The following NDUFB1 variants were observed in gnomAD, a reference collection of about 807,000 sequenced individuals.
NDUFB1 encodes the protein NADH dehydrogenase [ubiquinone] 1 beta subcomplex subunit 1.
Under a neutral mutation model 6.7 loss-of-function variants are expected in NDUFB1, and 6 were observed. That is an observed-to-expected ratio of 0.89 (90% CI 0.49 to 1.76). The LOEUF (loss-of-function observed/expected upper bound fraction) is 1.76. NDUFB1 is among the 40% of genes most tolerant of loss of function. The pLI, the probability that NDUFB1 is intolerant of heterozygous loss-of-function variation, is 0.01. For missense variants in NDUFB1, 56 were observed against 71.0 expected, an observed-to-expected ratio of 0.79 and a Z score of 0.76; for synonymous variants, 17 against 22.9, an observed-to-expected ratio of 0.74 and a Z score of 0.74.
intron 1 of NDUFB1, among the ~76,000 whole-genome samples, chr14:92,120,641 C>T (rs1457766251): frequency 2.0e-5 from 3 of 150,544 alleles, no homozygotes; most frequent in Non-Finnish European, 4.4e-5. Flanking sequence ...TGAGCCACCG[C>T]GCCCGGCCGT....
At chr14:92,120,861 T>A (rs1016069440) in intron 1 of NDUFB1, among the ~76,000 whole-genome samples, 4 of 150,170 alleles carry the variant, frequency 2.7e-5, no homozygotes, top group African/African-American at 9.7e-5. Context: ...CATACTTTTG[T>A]CTTTTAAAAG....
intron 2 of NDUFB1, 49 bp from the exon 3 acceptor site, chr14:92,116,278 TG>T: frequency 6.8e-7 from 1 of 1,471,944 alleles, no homozygotes; most frequent in Non-Finnish European, 9.5e-7. Context: ...TAAATAAAAC[TG>T]TGATACGAGA....
intron 2 of NDUFB1, 119 bp from the exon 3 acceptor site, chr14:92,116,348 TTTTGAGACGAAGTCTGGC>T: frequency 1.0e-6 from 1 of 960,720 alleles, no homozygotes; most frequent in Non-Finnish European, 1.5e-6. Flanking sequence ...TTTTTTTTTT[TTTTGAGACGAAGTCTGGC>T]TTTGTAGCCC....
chr14:92,117,847 A>C (rs1013342405), intron 1 of NDUFB1: 1 of 526,458 alleles, frequency 1.9e-6, no homozygotes. Context: ...AAAGCACAAA[A>C]ATTAGCCGGG....
intron 1 of NDUFB1, chr14:92,118,969 G>T (rs1163895257): frequency 2.7e-6 from 1 of 365,360 alleles, no homozygotes; most frequent in Non-Finnish European, 5.2e-6. Flanking sequence ...GCGAGTCTCT[G>T]TCTCAGAAAA....
chr14:92,119,966 G>C lies in NDUFB1; in HGVS notation c.-6+1676C>G, dbSNP rs150262466. 7.1e-3 allele frequency among the ~76,000 whole-genome samples: 1,080 copies of C among 151,956 alleles called. 8 individuals are homozygous for C. Among genetic ancestry groups the C allele is most frequent in the Non-Finnish European group, 9.0e-3 (610 of 67,976 alleles). On this transcript the variant is annotated intron_variant, in intron 1 of 2. Coordinates refer to ENST00000605997, the MANE Select transcript of NDUFB1 (RefSeq NM_004545.4). The stretch of plus-strand genomic sequence containing the variant: ...TGTAGAGACAAGATCTTGCTATGTT[G>C]CCCAGGCTGGTCTCAAACTTGTGGC...
chr14:92,121,416 G>T, intron 1 of NDUFB1: 1 of 678,504 alleles, frequency 1.5e-6, no homozygotes, highest in Non-Finnish European at 2.4e-6. Context: ...ACGTTTTCCT[G>T]TTATGACAGC....
intron 1 of NDUFB1, chr14:92,121,337 G>A (rs915793618): frequency 4.0e-6 from 2 of 494,250 alleles, no homozygotes; most frequent in Non-Finnish European, 7.3e-6. Context: ...CTTCAGGCCA[G>A]GCGTGGGATC....
At position 92,117,537 on chromosome 14, in the gene NDUFB1, C is replaced by T. The variant is rs72691104; in HGVS notation, c.101G>A (p.Arg34Gln). 5.8e-4 allele frequency: 942 copies of T among 1,613,322 alleles called. 2 individuals carry two copies. Among genetic ancestry groups the T allele is most frequent in the South Asian group, 1.1e-3 (97 of 91,042 alleles). The change falls in exon 2 of 3, where the codon CGG becomes CAG. Residue 34 changes from arginine to glutamine, a missense_variant. Arg to Gln is a conservative substitution (Grantham distance 43). Coordinates refer to ENST00000605997, the MANE Select transcript of NDUFB1 (RefSeq NM_004545.4). Reference sequence around the variant, plus strand: ...ACTCTTGTTCCGGAAGGCAGTTAGCCGTTCATCACTCTTTCTGTCTAAATA... The same window carrying T: ...ACTCTTGTTCCGGAAGGCAGTTAGCTGTTCATCACTCTTTCTGTCTAAATA... ...GCYLDRKSDE[R>Q]LTAFRNKSML... is the part of the protein sequence containing the mutation.
intron 1 of NDUFB1, among the ~76,000 whole-genome samples, chr14:92,120,084 ACAATT>A (rs982340722): frequency 2.5e-5 from 3 of 122,022 alleles, no homozygotes; most frequent in African/African-American, 3.4e-5. Flanking sequence ...AATAAATTGC[ACAATT>A]CAATAAAAAC....
At position 92,117,495 on chromosome 14, in the gene NDUFB1, A is replaced by C. The variant is rs1596115807; in HGVS notation, c.140+3T>G. ...TTGCTGGTTTAAAAAAATGCAGACT[A>C]ACCTTTTAAATAACATACTCTTGTT... On this transcript the variant is annotated splice_donor_region_variant and intron_variant, in intron 2 of 2. Transcript: ENST00000605997. The C allele has an allele frequency of 6.2e-7, 1 of 1,612,206 alleles. No individual in the cohort carries two copies. Among genetic ancestry groups the C allele is most frequent in the East Asian group, 2.2e-5 (1 of 44,876 alleles).
rs1204465801 is a variant in NDUFB1 at position 92,117,657 on chromosome 14, A to C, written c.-5-15T>G. 6.2e-7 allele frequency: 1 copy of C among 1,608,362 alleles called. No individual in the cohort carries two copies. The highest frequency in any genetic ancestry group is 8.5e-7 in the Non-Finnish European group (1 of 1,178,754). On this transcript the variant is annotated splice_polypyrimidine_tract_variant and intron_variant, in intron 1 of 2. Transcript: ENST00000605997. ...CACCATGATAGCTAAAAGAAAAAAA[A>C]ATTATCAGAAATACAACTGCTTTGT...
intron 1 of NDUFB1, among the ~76,000 whole-genome samples, chr14:92,120,978 AG>A (rs2068756552): frequency 6.6e-6 from 1 of 151,520 alleles, no homozygotes. Context: ...TGGCCAACAT[AG>A]TGAAACCCTC....
At chr14:92,118,065 C>T (rs1309758013) in intron 1 of NDUFB1, 1 of 190,716 alleles carries the variant, frequency 5.2e-6, no homozygotes, top group African/African-American at 2.4e-5. Context: ...TGTTAAAAGC[C>T]TAATACGCCT....
Position 92,121,704 on chromosome 14 carries a change from A to T in NDUFB1, c.-68T>A, listed in dbSNP as rs1257904080. Reference sequence around the variant, plus strand: ...GGCAACAGGGAACTCAACCCGCGCCAGTGGAAGCTGCGACCTCGGGACCTG... The same window carrying T: ...GGCAACAGGGAACTCAACCCGCGCCTGTGGAAGCTGCGACCTCGGGACCTG... On this transcript the variant is annotated 5_prime_UTR_variant, in exon 1 of 3. Coordinates refer to ENST00000605997, the MANE Select transcript of NDUFB1 (RefSeq NM_004545.4). 6.2e-7 allele frequency: 1 copy of T among 1,613,080 alleles called. No homozygotes were observed. Among genetic ancestry groups the T allele is most frequent in the Non-Finnish European group, 8.5e-7 (1 of 1,179,884 alleles).
At chr14:92,117,234 T>G (rs1189391154) in intron 2 of NDUFB1, among the ~76,000 whole-genome samples, 2 of 152,222 alleles carry the variant, frequency 1.3e-5, no homozygotes, top group Non-Finnish European at 2.9e-5. Context: ...AAACTGTTTC[T>G]ATATTAAAAT....
chr14:92,120,359 T>TA (rs1389319297), intron 1 of NDUFB1: 1 of 151,850 alleles, frequency 6.6e-6, no homozygotes, highest in African/African-American at 2.4e-5. Flanking sequence ...CTTTTTTTTT[T>TA]TTTATTTTGA....
At position 92,121,280 on chromosome 14, in the gene NDUFB1, T is replaced by C. The variant is rs571054513; in HGVS notation, c.-6+362A>G. 1,287 of 367,318 alleles carry C rather than the reference T, an allele frequency of 3.5e-3. 3 individuals carry two copies. Among genetic ancestry groups the C allele is most frequent in the Non-Finnish European group, 4.3e-3 (847 of 198,552 alleles). 22.8% of individuals were successfully genotyped at this position (367,318 alleles called of 1,614,324 possible). ...TAGCGAGAAGACAGAAGGCTGGAAC[T>C]TGGACGAATGTAAGCTGCTCGCGGA... On this transcript the variant is annotated intron_variant, in intron 1 of 2. Transcript: ENST00000605997.
At chr14:92,121,572 G>A in intron 1 of NDUFB1, 70 bp downstream of exon 1, 2 of 1,603,280 alleles carry the variant, frequency 1.2e-6, no homozygotes, top group Non-Finnish European at 1.7e-6. Context: ...CCGAGGGCTT[G>A]CCTAGAACCC....
Sources: gnomAD v4.1 joint callset for allele counts (sites outside exome capture counted in the v4.1 genomes callset) on GRCh38, gnomAD v4.1.1 for gene constraint, MANE v1.5 for transcripts, NCBI Gene and HGNC (gene_info 2026-07-23, HGNC 2026-07-21) for gene names.